Variants in CLSTN2 observed in about 807,000 individuals in gnomAD.
CLSTN2 encodes the protein calsyntenin-2.
In CLSTN2, 48 loss-of-function variants were observed where a neutral mutation model predicts 101.2. The ratio of observed to expected loss-of-function variants is 0.47; its 90% CI spans 0.38 to 0.60. The LOEUF (loss-of-function observed/expected upper bound fraction) is 0.60. Ranked by LOEUF, CLSTN2 falls within the 20% of genes least tolerant of loss-of-function variation. CLSTN2 has a pLI of 0.00. For missense variants in CLSTN2, 1,160 were observed against 1,238.2 expected (o/e 0.94, Z 0.95); for synonymous variants, 481 against 463.6 (o/e 1.04, Z -0.48).
intron 1 of CLSTN2, among the ~76,000 whole-genome samples, chr3:140,051,792 G>A (rs1271081542): frequency 2.0e-5 from 3 of 152,178 alleles, no homozygotes; most frequent in Non-Finnish European, 2.9e-5. Flanking sequence ...AATCCCTCCA[G>A]GTGATTTCAA....
intron 1 of CLSTN2, among the ~76,000 whole-genome samples, chr3:139,991,826 A>G (rs1346135): frequency 0.55 from 84,125 of 152,050 alleles, 25,485 homozygotes; most frequent in Non-Finnish European, 0.67. Context: ...TGCTTGGGCA[A>G]CATGGTTGTT....
chr3:140,291,636 C>A (rs2086954719), intron 2 of CLSTN2, among the ~76,000 whole-genome samples: 1 of 151,840 alleles, frequency 6.6e-6, no homozygotes, highest in Non-Finnish European at 1.5e-5. Context: ...CAACTTCCCC[C>A]ATCTCCAGAC....
Position 140,378,793 on chromosome 3 carries a change from C to G in CLSTN2, c.233-24836C>G, listed in dbSNP as rs62266363. 6.5e-3 allele frequency among the ~76,000 whole-genome samples: 993 copies of G among 152,310 alleles called. 4 individuals are homozygous for G. The highest frequency in any genetic ancestry group is 0.01 in the Non-Finnish European group (681 of 68,026). The stretch of plus-strand genomic sequence containing the variant: ...TCTCTAAGCTCCAATTTACTTTTCT[C>G]TAAAATGTGGTAAAAATAGCTAGCT... On this transcript the variant is annotated intron_variant, in intron 2 of 16. Coordinates refer to ENST00000458420, the MANE Select transcript of CLSTN2 (RefSeq NM_022131.3).
At chr3:139,970,303 C>T (rs1389271276) in intron 1 of CLSTN2, among the ~76,000 whole-genome samples, 1 of 152,132 alleles carries the variant, frequency 6.6e-6, no homozygotes, top group Non-Finnish European at 1.5e-5. Context: ...TGTGAGCTGG[C>T]ATGTGTGAAG....
At chr3:140,108,778 C>T (rs186764143) in intron 1 of CLSTN2, among the ~76,000 whole-genome samples, 122 of 152,264 alleles carry the variant, frequency 8.0e-4, no homozygotes, top group African/African-American at 2.9e-3. Flanking sequence ...TCTAAATATG[C>T]TATGTTCCCT....
chr3:140,223,743 A>T (rs1480073405), intron 2 of CLSTN2, among the ~76,000 whole-genome samples: 1 of 152,176 alleles, frequency 6.6e-6, no homozygotes, highest in African/African-American at 2.4e-5. Context: ...CAATTATTTC[A>T]TTGCTTTGAA....
At chr3:140,405,047 G>A (rs1220650215) in intron 4 of CLSTN2, among the ~76,000 whole-genome samples, 1 of 152,142 alleles carries the variant, frequency 6.6e-6, no homozygotes, top group East Asian at 1.9e-4. Flanking sequence ...TACCGAAGAT[G>A]GTTGATTTCC....
At chr3:139,970,401 G>C (rs937489345) in intron 1 of CLSTN2, among the ~76,000 whole-genome samples, 5 of 152,144 alleles carry the variant, frequency 3.3e-5, no homozygotes, top group Admixed American at 6.5e-5. Context: ...ACAGTACTTG[G>C]CATCATATCT....
chr3:140,214,669 T>C (rs2010899629), intron 2 of CLSTN2, among the ~76,000 whole-genome samples: 1 of 152,182 alleles, frequency 6.6e-6, no homozygotes, highest in Non-Finnish European at 1.5e-5. Flanking sequence ...ATTATTTAAA[T>C]AGCATCTCCA....
chr3:140,136,701 ACT>A (rs2009621303), intron 1 of CLSTN2, among the ~76,000 whole-genome samples: 1 of 152,080 alleles, frequency 6.6e-6, no homozygotes. Flanking sequence ...AAAGATGGTG[ACT>A]CTCAATTGCC....
chr3:140,561,351 T>A (rs932853105), intron 12 of CLSTN2, among the ~76,000 whole-genome samples: 1 of 152,130 alleles, frequency 6.6e-6, no homozygotes, highest in Non-Finnish European at 1.5e-5. Context: ...GTCGCCTTCT[T>A]AAGATGGGAT....
chr3:140,127,021 T>C (rs560381626), intron 1 of CLSTN2, among the ~76,000 whole-genome samples: 6 of 151,974 alleles, frequency 3.9e-5, no homozygotes, highest in African/African-American at 1.4e-4. Context: ...ATTATATGTG[T>C]CATATATATA....
intron 1 of CLSTN2, among the ~76,000 whole-genome samples, chr3:140,107,319 G>A (rs1250846675): frequency 2.6e-5 from 4 of 152,138 alleles, no homozygotes; most frequent in East Asian, 1.9e-4. Context: ...ATATGAAAGG[G>A]CATCTCTTTT....
At chr3:140,114,121 C>G (rs2107795954) in intron 1 of CLSTN2, among the ~76,000 whole-genome samples, 1 of 152,198 alleles carries the variant, frequency 6.6e-6, no homozygotes, top group African/African-American at 2.4e-5. Context: ...CCATAAGGCT[C>G]AAAACACCCC....
At chr3:140,369,263 C>T (rs2087825222) in intron 2 of CLSTN2, among the ~76,000 whole-genome samples, 1 of 152,100 alleles carries the variant, frequency 6.6e-6, no homozygotes, top group African/African-American at 2.4e-5. Context: ...ATTGTTATAC[C>T]TTACAATTTA....
intron 1 of CLSTN2, among the ~76,000 whole-genome samples, chr3:139,969,944 C>A (rs563726953): frequency 3.9e-5 from 6 of 152,294 alleles, no homozygotes; most frequent in African/African-American, 1.4e-4. Context: ...TAGGTACCTA[C>A]AGAGTGACAT....
intron 2 of CLSTN2, among the ~76,000 whole-genome samples, chr3:140,195,229 C>T (rs1227982379): frequency 6.6e-6 from 1 of 152,154 alleles, no homozygotes; most frequent in Non-Finnish European, 1.5e-5. Context: ...TGCCATTTTC[C>T]TAGCTCTTTG....
intron 1 of CLSTN2, among the ~76,000 whole-genome samples, chr3:140,094,769 G>A (rs967129254): frequency 6.6e-6 from 1 of 152,220 alleles, no homozygotes; most frequent in African/African-American, 2.4e-5. Context: ...GTGCCCCCAA[G>A]TTATACTGTC....
intron 2 of CLSTN2, among the ~76,000 whole-genome samples, chr3:140,251,613 C>CTTTCCTTTCCTTTCCTTTCT (rs1319897005): frequency 6.6e-6 from 1 of 150,586 alleles, no homozygotes; most frequent in African/African-American, 2.5e-5. Flanking sequence ...CTTTCCTTTC[C>CTTTCCTTTCCTTTCCTTTCT]TTTCCTTTCC....
Sources: gnomAD v4.1 joint callset for allele counts (sites outside exome capture counted in the v4.1 genomes callset) on GRCh38, gnomAD v4.1.1 for gene constraint, MANE v1.5 for transcripts, NCBI Gene and HGNC (gene_info 2026-07-23, HGNC 2026-07-21) for gene names.